The following SLC13A3 variants were observed in gnomAD, a reference collection of about 807,000 sequenced individuals.
SLC13A3 encodes solute carrier family 13 member 3.
In SLC13A3, 40 loss-of-function variants were observed where a neutral mutation model predicts 59.0. The ratio of observed to expected loss-of-function variants is 0.68; its 90% confidence interval spans 0.53 to 0.88. SLC13A3 has a LOEUF of 0.88. SLC13A3 is among the 40% of genes least tolerant of loss of function. SLC13A3 has a pLI of 0.00. For synonymous variants in SLC13A3, 317 were observed against 330.3 expected, an observed-to-expected ratio of 0.96 and a Z score of 0.44; for missense variants, 699 against 783.2, an observed-to-expected ratio of 0.89 and a Z score of 1.28.
At chr20:46,573,623 T>C (rs1316577093) in intron 10 of SLC13A3, among the ~76,000 whole-genome samples, 3 of 152,196 alleles carry the variant, frequency 2.0e-5, no homozygotes, top group Non-Finnish European at 4.4e-5. Context: ...TAGCACTTCT[T>C]ATCGGCTATA....
chr20:46,650,675 T>G (rs1398274581), intron 1 of SLC13A3, among the ~76,000 whole-genome samples: 1 of 152,212 alleles, frequency 6.6e-6, no homozygotes, highest in Non-Finnish European at 1.5e-5. Context: ...TTAAGTGACT[T>G]GCACCATGTC....
intron 1 of SLC13A3, among the ~76,000 whole-genome samples, chr20:46,627,359 C>T (rs1390109585): frequency 6.6e-6 from 1 of 152,034 alleles, no homozygotes; most frequent in Non-Finnish European, 1.5e-5. Flanking sequence ...AGTTCCCAAG[C>T]TTAACAGTAA....
chr20:46,641,452 T>A (rs79740446), intron 1 of SLC13A3, among the ~76,000 whole-genome samples: 5,796 of 152,222 alleles, frequency 0.038, 160 homozygotes, highest in Non-Finnish European at 0.058. Context: ...CATGAAGGAA[T>A]AAAACAGAAG....
intron 1 of SLC13A3, among the ~76,000 whole-genome samples, chr20:46,633,171 A>G (rs1267547315): frequency 6.6e-6 from 1 of 152,048 alleles, no homozygotes; most frequent in Non-Finnish European, 1.5e-5. Context: ...ATATATACGG[A>G]CCCCAAAGGG....
intron 1 of SLC13A3, chr20:46,682,512 T>C (rs1158307306): frequency 2.6e-5 from 4 of 152,054 alleles, no homozygotes; most frequent in Non-Finnish European, 2.9e-5. Flanking sequence ...GTTCCAGGAA[T>C]GTGGGCCTGT....
In SLC13A3 at chr20:46,651,384, C is replaced by A; in HGVS notation, c.38G>T (p.Ser13Ile). The change falls in exon 1 of 13, where the codon AGC becomes ATC. Residue 13 changes from serine (S) to isoleucine (I), a missense_variant. Coordinates refer to ENST00000279027, the MANE Select transcript of SLC13A3 (RefSeq NM_022829.6). Reference sequence around the variant, plus strand: ...CAGCAGCACCAGCAGCCGCCGCGCGCTCCACACCTTCTTGGCCGCTGCTGC... The same window carrying A: ...CAGCAGCACCAGCAGCCGCCGCGCGATCCACACCTTCTTGGCCGCTGCTGC... ...ALAAAAKKVW[S>I]ARRLLVLLFT... The A allele has an allele frequency of 6.6e-7, 1 of 1,508,124 alleles. No homozygotes were observed. 93.4% of individuals were successfully genotyped at this position (1,508,124 alleles called of 1,614,324 possible). A position where few individuals can be genotyped will look rare whatever the true frequency, so the allele number is the denominator to read the frequency against.
chr20:46,563,270 G>T, intron 12 of SLC13A3, 144 bp downstream of exon 12: 1 of 943,756 alleles, frequency 1.1e-6, no homozygotes. Flanking sequence ...TCTGCTAAAT[G>T]TATGTTCCTG....
In SLC13A3 at chr20:46,664,117, T is replaced by C. The variant is rs968857080; in HGVS notation, c.-31+5926A>G. 2.0e-5 allele frequency among the ~76,000 whole-genome samples: 3 copies of C among 152,298 alleles called. No individual in the cohort carries two copies. The East Asian group carries it at 5.8e-4, about 29-fold the overall frequency. ...GAGCATTAAAAGTGCTGATGCTCCA[T>C]CCTCAGAGTCTGATTTCATTGTCTA... On this transcript the variant is annotated intron_variant, in intron 1 of 12. Transcript: ENST00000290317.
At chr20:46,584,151 C>A in intron 8 of SLC13A3, 1 of 985,380 alleles carries the variant, frequency 1.0e-6, no homozygotes, top group Non-Finnish European at 1.2e-6. Flanking sequence ...ACCTAACTGT[C>A]ACGTTTCAAG....
chr20:46,588,884 C>T (rs1205062096), intron 7 of SLC13A3, among the ~76,000 whole-genome samples: 2 of 152,176 alleles, frequency 1.3e-5, no homozygotes, highest in African/African-American at 2.4e-5. Context: ...AGGTATTCTG[C>T]GTACCGGGAG....
chr20:46,660,535 C>A (rs1041166843), intron 1 of SLC13A3, among the ~76,000 whole-genome samples: 2 of 152,080 alleles, frequency 1.3e-5, no homozygotes, highest in Non-Finnish European at 2.9e-5. Context: ...GTAAGTAATG[C>A]CCCATTTTTA....
intron 1 of SLC13A3, among the ~76,000 whole-genome samples, chr20:46,648,880 G>A (rs2062922373): frequency 6.6e-6 from 1 of 151,054 alleles, no homozygotes; most frequent in African/African-American, 2.5e-5. Flanking sequence ...ACTCCAGCCT[G>A]TGTTACAGAG....
chr20:46,608,087 T>C (rs1439806933), intron 3 of SLC13A3, among the ~76,000 whole-genome samples: 2 of 152,184 alleles, frequency 1.3e-5, no homozygotes, highest in Non-Finnish European at 2.9e-5. Context: ...CAGGCAGTTC[T>C]CTTAAGGGAA....
Position 46,563,622 on chromosome 20 carries a change from G to GAGAGAGAA in SLC13A3, c.1495-72_1495-71insTTCTCTCT. On this transcript the variant is annotated intron_variant, in intron 11 of 12. Transcript: ENST00000279027. ...GAGCGACCACAGCAAGAGGGAGAGA[G>GAGAGAGAA]AGAGAGAGAGGCAGTTGGAAAGAGG... 4 of 1,489,058 alleles carry GAGAGAGAA rather than the reference G, an allele frequency of 2.7e-6. No individual in the cohort carries two copies. The South Asian group carries it at 3.9e-5, about 14-fold the overall frequency. The allele number at this position is 1,489,058 out of a possible 1,614,324, so 92.2% of individuals were successfully genotyped here. A position where few individuals can be genotyped will look rare whatever the true frequency, so the allele number is the denominator to read the frequency against.
intron 1 of SLC13A3, among the ~76,000 whole-genome samples, chr20:46,629,628 C>T (rs2122805489): frequency 6.6e-6 from 1 of 152,150 alleles, no homozygotes; most frequent in South Asian, 2.1e-4. Context: ...TATATCATGT[C>T]TCTGATTATG....
rs191682770 is a variant in SLC13A3 at position 46,563,686 on chromosome 20, T to C, written c.1495-135A>G. On this transcript the variant is annotated intron_variant, in intron 11 of 12. Coordinates refer to ENST00000279027, the MANE Select transcript of SLC13A3 (RefSeq NM_022829.6). ...AGAGACAGAGAGACAAAGACATCCA[T>C]AGAGATTGGCAGAGTGGCAGAGAAC... The C allele has an allele frequency of 3.0e-4, 288 of 954,294 alleles. 3 individuals carry two copies. The East Asian group carries it at 7.1e-3, about 24-fold the overall frequency. The allele number at this position is 954,294 out of a possible 1,614,324, so 59.1% of individuals were successfully genotyped here. A position where few individuals can be genotyped will look rare whatever the true frequency, so the allele number is the denominator to read the frequency against.
At chr20:46,630,261 A>G (rs1277255152) in intron 1 of SLC13A3, among the ~76,000 whole-genome samples, 1 of 152,214 alleles carries the variant, frequency 6.6e-6, no homozygotes, top group African/African-American at 2.4e-5. Context: ...ATCACTATCC[A>G]CAATCTCTCT....
intron 10 of SLC13A3, among the ~76,000 whole-genome samples, chr20:46,568,132 C>T (rs141429001): frequency 3.3e-4 from 50 of 152,176 alleles, no homozygotes; most frequent in African/African-American, 1.1e-3. Context: ...TGGTGGCTCA[C>T]GCCTGTAACC....
intron 1 of SLC13A3, among the ~76,000 whole-genome samples, chr20:46,616,367 C>T (rs970114620): frequency 1.3e-5 from 2 of 152,186 alleles, no homozygotes; most frequent in African/African-American, 4.8e-5. Context: ...TGTTCTCTCC[C>T]TCCCTTCCAC....
Sources: allele counts gnomAD v4.1 joint callset (sites outside exome capture counted in the v4.1 genomes callset), GRCh38; gene constraint gnomAD v4.1.1; transcripts MANE v1.5; gene names NCBI Gene and HGNC (gene_info 2026-07-23, HGNC 2026-07-21).